The following HECA variants were observed in gnomAD, a reference collection of about 807,000 sequenced individuals.
The protein encoded by HECA is headcase protein homolog.
A neutral mutation model predicts 37.6 loss-of-function variants in HECA; 13 were observed. That is an observed-to-expected ratio of 0.35 (90% CI 0.23 to 0.55). The LOEUF is 0.55. Ranked by LOEUF, HECA falls within the 20% of genes least tolerant of loss-of-function variation. The pLI is 0.90. For synonymous variants in HECA, 307 were observed against 291.5 expected (o/e 1.05, Z -0.54); for missense variants, 527 against 701.9 (o/e 0.75, Z 2.82).
At position 139,167,140 on chromosome 6, in the gene HECA, G is replaced by A. The variant is rs1774901587; in HGVS notation, c.1128G>A (p.Gln376=). The part of the protein sequence containing the change: ...VRMEDDAQVG[Q]GEDLRKFILA... ...TGGAAGACGATGCCCAAGTGGGCCA[G>A]GGGGAAGACTTGCGGAAGTTCATTC... Residue 376 remains glutamine, a synonymous_variant, in exon 2 of 4, where the codon CAG becomes CAA. Transcript: ENST00000367658. The A allele has an allele frequency of 1.9e-6, 3 of 1,614,162 alleles. No individual in the cohort carries two copies. Among genetic ancestry groups the A allele is most frequent in the East Asian group, 4.5e-5 (2 of 44,850 alleles).
At position 139,135,393 on chromosome 6, in the gene HECA, C is replaced by G. The variant is rs1020398010; in HGVS notation, c.-4C>G. ...GGGCACCTACCTGGACGCGAGCGAG[C>G]GAGATGCCCAACCCCAAAAACAGCA... On this transcript the variant is annotated 5_prime_UTR_variant, in exon 1 of 4. Coordinates refer to ENST00000367658, the MANE Select transcript of HECA (RefSeq NM_016217.3). The G allele has an allele frequency of 2.9e-6, 4 of 1,373,970 alleles. No individual in the cohort carries two copies. The Admixed American group carries it at 1.0e-4, about 36-fold the overall frequency. The allele number at this position is 1,373,970 out of a possible 1,614,324, so 85.1% of individuals were successfully genotyped here. A position where few individuals can be genotyped will look rare whatever the true frequency, so the allele number is the denominator to read the frequency against.
intron 1 of HECA, among the ~76,000 whole-genome samples, chr6:139,140,652 G>A (rs1043390445): frequency 6.6e-6 from 1 of 152,176 alleles, no homozygotes; most frequent in Non-Finnish European, 1.5e-5. Flanking sequence ...GAGATAAAAC[G>A]GGAAAATCTC....
rs1774889283 is a variant in HECA, at chr6:139,166,622, A to T, written c.610A>T (p.Lys204Ter). 1 of 1,614,226 alleles carries T rather than the reference A, an allele frequency of 6.2e-7. No individual in the cohort carries two copies. Among genetic ancestry groups the T allele is most frequent in the Middle Eastern group, 1.6e-4 (1 of 6,062 alleles). Residue 204 changes from lysine to a stop codon, truncating the protein, a stop_gained, in exon 2 of 4, where the codon AAG becomes TAG. Transcript: ENST00000367658. LOFTEE classifies it high-confidence loss of function. ...GCGGATGCAGGACGAGAAAAAGAAG[A>T]AGTCTGGCTCCGAGAAGAACACAGG... ...VKRMQDEKKK[K>*]SGSEKNTGRP...
chr6:139,164,241 G>A (rs1052380826), intron 1 of HECA, among the ~76,000 whole-genome samples: 1 of 152,150 alleles, frequency 6.6e-6, no homozygotes, highest in African/African-American at 2.4e-5. Context: ...CTCTGAGCCT[G>A]GGAGTCTGCC....
In HECA at chr6:139,166,414, C is replaced by T. The variant is rs537226067; in HGVS notation, c.402C>T (p.Phe134=). The T allele has an allele frequency of 1.9e-6, 3 of 1,614,208 alleles. No homozygotes were observed. The African/African-American group carries it at 4.0e-5, about 22-fold the overall frequency. The change falls in exon 2 of 4, where the codon TTC becomes TTT. Residue 134 remains phenylalanine, a synonymous_variant. Coordinates refer to ENST00000367658, the MANE Select transcript of HECA (RefSeq NM_016217.3). ...GCACCTGGATGCACCTGCAGTGCTT[C>T]TACGAGTGGGAGAGCAGCATCCTCG... The part of the protein sequence containing the change: ...PCSTWMHLQC[F]YEWESSILVQ...
intron 1 of HECA, among the ~76,000 whole-genome samples, chr6:139,146,267 A>G (rs1774582474): frequency 6.6e-6 from 1 of 152,234 alleles, no homozygotes; most frequent in Non-Finnish European, 1.5e-5. Flanking sequence ...TTAAGCAGCT[A>G]CTTGCCACAT....
In HECA at chr6:139,179,913, A is replaced by AT. The variant is rs1775111025; in HGVS notation, c.*2814dup. The AT allele has an allele frequency of 4.6e-5, 7 of 152,280 alleles. No individual in the cohort carries two copies. The South Asian group carries it at 1.4e-3, about 32-fold the overall frequency. The allele number at this position is 152,280 out of a possible 1,614,324, so 9.4% of individuals were successfully genotyped here. A position where few individuals can be genotyped will look rare whatever the true frequency, so the allele number is the denominator to read the frequency against. ...AAGTGATTTTTCGTCTATTCTTAAT[A>AT]TTTTTTAATTATTTATTTTTAAGAG... On this transcript the variant is annotated 3_prime_UTR_variant, in exon 4 of 4. Transcript: ENST00000367658.
chr6:139,174,364 C>T (rs368949928), intron 2 of HECA, 21 bp from the exon 3 acceptor site: 2 of 1,604,306 alleles, frequency 1.2e-6, no homozygotes, highest in South Asian at 1.1e-5. Flanking sequence ...CCACTCAGAG[C>T]CTTGTGTCTT....
intron 1 of HECA, among the ~76,000 whole-genome samples, chr6:139,136,631 TTTTTG>T (rs1774448837): frequency 1.3e-5 from 2 of 149,334 alleles, no homozygotes; most frequent in South Asian, 2.1e-4. Flanking sequence ...ATCAGGCACT[TTTTTG>T]TTTTGTTTTT....
chr6:139,174,393 A>G lies in HECA; in HGVS notation c.1321A>G (p.Met441Val), dbSNP rs1162045741. 3.1e-6 allele frequency: 5 copies of G among 1,613,324 alleles called. No homozygotes were observed. Among genetic ancestry groups the G allele is most frequent in the Non-Finnish European group, 3.4e-6 (4 of 1,179,696 alleles). The change falls in exon 3 of 4, where the codon ATG becomes GTG. Residue 441 changes from methionine (M) to valine (V), a missense_variant. Met to Val is a conservative substitution (Grantham distance 21). This residue lies in a region of HECA where 106 missense variants were observed against 193.4 expected (regional missense o/e 0.55). Coordinates refer to ENST00000367658, the MANE Select transcript of HECA (RefSeq NM_016217.3). ...DVPCHLQGRL[M>V]HLYAVCVDCL... Reference sequence around the variant, plus strand: ...GTGTCTTCTGTGCACAGGGAGACTCATGCATCTGTATGCCGTGTGCGTGGA... The same window carrying G: ...GTGTCTTCTGTGCACAGGGAGACTCGTGCATCTGTATGCCGTGTGCGTGGA...
chr6:139,152,858 T>C (rs1199467670), intron 1 of HECA, among the ~76,000 whole-genome samples: 1 of 152,210 alleles, frequency 6.6e-6, no homozygotes, highest in Non-Finnish European at 1.5e-5. Context: ...TAAATTTCTT[T>C]TTATTTTTAA....
chr6:139,158,984 A>G (rs956655848), intron 1 of HECA, among the ~76,000 whole-genome samples: 11 of 152,122 alleles, frequency 7.2e-5, no homozygotes, highest in Non-Finnish European at 1.5e-4. Context: ...GAGGCAGGAG[A>G]ATCGCTTGAA....
Position 139,166,947 on chromosome 6 carries a change from C to T in HECA, c.935C>T (p.Ala312Val), listed in dbSNP as rs1482789160. The T allele has an allele frequency of 1.2e-6, 2 of 1,614,044 alleles. No individual in the cohort carries two copies. The highest frequency in any genetic ancestry group is 1.7e-5 in the Admixed American group (1 of 60,018). The change falls in exon 2 of 4, where the codon GCT becomes GTT. Residue 312 changes from alanine (A) to valine (V), a missense_variant. Ala to Val is a moderately conservative substitution (Grantham distance 64). This residue lies in a region of HECA where 228 missense variants were observed against 259.8 expected (regional missense o/e 0.88). Coordinates refer to ENST00000367658, the MANE Select transcript of HECA (RefSeq NM_016217.3). ...IHLEPHKKAMAGGHVFRNAHF... is the reference protein window; with the variant it reads ...IHLEPHKKAMVGGHVFRNAHF... ...CTGGAGCCTCACAAGAAGGCCATGG[C>T]TGGGGGCCATGTGTTCAGAAATGCC...
At chr6:139,143,049 A>G (rs543542993) in intron 1 of HECA, among the ~76,000 whole-genome samples, 85 of 152,360 alleles carry the variant, frequency 5.6e-4, no homozygotes, top group African/African-American at 1.7e-3. Context: ...TTATGATTCT[A>G]ATCTTACAAA....
At chr6:139,156,687 G>T (rs1488404521) in intron 1 of HECA, among the ~76,000 whole-genome samples, 2 of 152,212 alleles carry the variant, frequency 1.3e-5, no homozygotes, top group African/African-American at 4.8e-5. Flanking sequence ...TAAAAAGTAT[G>T]AGTAAAGCAG....
intron 1 of HECA, among the ~76,000 whole-genome samples, chr6:139,137,681 C>T (rs1383873873): frequency 7.7e-6 from 1 of 130,170 alleles, no homozygotes; most frequent in Non-Finnish European, 1.6e-5. Flanking sequence ...TCACAGTTTC[C>T]TTTTTTTTCT....
intron 2 of HECA, among the ~76,000 whole-genome samples, chr6:139,171,815 GTTGTTGTTGT>G (rs1178049115): frequency 1.3e-5 from 2 of 150,502 alleles, no homozygotes; most frequent in South Asian, 2.1e-4. Context: ...TAAACTTGTT[GTTGTTGTTGT>G]TTGTTGTTGT....
chr6:139,156,891 A>G (rs1216557148), intron 1 of HECA, among the ~76,000 whole-genome samples: 1 of 152,196 alleles, frequency 6.6e-6, no homozygotes, highest in African/African-American at 2.4e-5. Flanking sequence ...AAAAATACAT[A>G]TTGTTACAGG....
rs760777393 is a variant in HECA at position 139,167,007 on chromosome 6, A to T, written c.995A>T (p.His332Leu). 6.2e-7 allele frequency: 1 copy of T among 1,614,220 alleles called. No homozygotes were observed. Among genetic ancestry groups the T allele is most frequent in the Non-Finnish European group, 8.5e-7 (1 of 1,180,038 alleles). The change falls in exon 2 of 4, where the codon CAC becomes CTC. Residue 332 changes from histidine (H) to leucine (L), a missense_variant. Physicochemically the swap from His to Leu is moderately conservative, Grantham distance 99. Transcript: ENST00000367658. ...TACAGCCCTGCGGGGTTGGCAGTTCACAGGGGGGGACACTTCGACACCCCC... is the reference window on the plus strand; with the variant it reads ...TACAGCCCTGCGGGGTTGGCAGTTCTCAGGGGGGGACACTTCGACACCCCC... ...FDYSPAGLAV[H>L]RGGHFDTPVQ...
Sources: allele counts gnomAD v4.1 joint callset (sites outside exome capture counted in the v4.1 genomes callset), GRCh38; gene constraint gnomAD v4.1.1; regional missense constraint gnomAD v4.1.1; transcripts MANE v1.5; gene names NCBI Gene and HGNC (gene_info 2026-07-23, HGNC 2026-07-21).